Variants in ITGB5 observed in about 807,000 individuals in gnomAD.
ITGB5 encodes integrin beta-5.
ITGB5 carries 38 observed loss-of-function variants against 84.8 expected under a neutral mutation model. That is an observed-to-expected ratio of 0.45 (90% CI 0.35 to 0.59). The LOEUF is 0.59. Among genes scored for constraint, ITGB5 ranks in the 20% least tolerant of loss-of-function variants. ITGB5 has a pLI of 0.01. For synonymous variants in ITGB5, 393 were observed against 414.4 expected (o/e 0.95, Z 0.63); for missense variants, 905 against 1,034.5 (o/e 0.87, Z 1.72).
At chr3:124,865,474 C>CTTTTTTTTTT (rs1559977008) in intron 2 of ITGB5, among the ~76,000 whole-genome samples, 1 of 57,876 alleles carries the variant, frequency 1.7e-5, no homozygotes. Context: ...TCCTTTGCGG[C>CTTTTTTTTTT]TTTTTTCTTT....
chr3:124,883,770 CCT>C (rs1371169578), intron 1 of ITGB5, among the ~76,000 whole-genome samples: 1 of 152,198 alleles, frequency 6.6e-6, no homozygotes, highest in African/African-American at 2.4e-5. Context: ...AGACGGTGTT[CCT>C]CTCTCTGTCT....
At chr3:124,850,120 C>G (rs3772850) in intron 3 of ITGB5, among the ~76,000 whole-genome samples, 23,814 of 151,956 alleles carry the variant, frequency 0.16, 1,955 homozygotes, top group South Asian at 0.21. Flanking sequence ...CAAGCTGAAG[C>G]CTTCTTTAAC....
chr3:124,809,022 C>T lies in ITGB5; in HGVS notation c.1263G>A (p.Thr421=), dbSNP rs778010440. Residue 421 remains threonine, a splice_region_variant and synonymous_variant, in exon 9 of 15, where the codon ACG becomes ACA. Transcript: ENST00000296181. ...CATACAAACTTGGGGTGAGACTTAC[C>T]GTGTCCCCAATCTTCAGACCCTCAC... is the stretch of plus-strand genomic sequence containing the variant. ...RKCEGLKIGD[T]ASFEVSLEAR... is the part of the protein sequence containing the mutation. The T allele has an allele frequency of 8.7e-6, 14 of 1,613,666 alleles. No homozygotes were observed. Among genetic ancestry groups the T allele is most frequent in the South Asian group, 6.6e-5 (6 of 91,008 alleles).
intron 4 of ITGB5, 124 bp downstream of exon 4, chr3:124,848,185 A>T: frequency 1.9e-6 from 2 of 1,060,056 alleles, no homozygotes; most frequent in Non-Finnish European, 2.8e-6. Flanking sequence ...TAATCAAATT[A>T]AACGCCTAAG....
intron 11 of ITGB5, among the ~76,000 whole-genome samples, chr3:124,770,831 T>C (rs1329162169): frequency 3.9e-5 from 6 of 152,346 alleles, no homozygotes; most frequent in Admixed American, 3.9e-4. Context: ...AGCTGAGACC[T>C]GGCTGGGGGC....
At position 124,886,884 on chromosome 3, in the gene ITGB5, G is replaced by A. The variant is rs1226020786; in HGVS notation, c.70+47C>T. On this transcript the variant is annotated intron_variant, in intron 1 of 14. Coordinates refer to ENST00000296181, the MANE Select transcript of ITGB5 (RefSeq NM_002213.5). Reference sequence around the variant, plus strand: ...CCCTCCGAGACGCCCGCCCGCGGCTGAGTGTGCGACAAAGTTTCTCTGGGC... The same window carrying A: ...CCCTCCGAGACGCCCGCCCGCGGCTAAGTGTGCGACAAAGTTTCTCTGGGC... 25 of 1,157,622 alleles carry A rather than the reference G, an allele frequency of 2.2e-5. No individual in the cohort carries two copies. In the East Asian group the frequency reaches 6.7e-4, roughly 31 times the overall value. 71.7% of individuals were successfully genotyped at this position (1,157,622 alleles called of 1,614,324 possible). A position where few individuals can be genotyped will look rare whatever the true frequency, so the allele number is the denominator to read the frequency against.
At position 124,841,460 on chromosome 3, in the gene ITGB5, G is replaced by A. The variant is rs1485998734; in HGVS notation, c.703C>T (p.Arg235Trp). 5.0e-6 allele frequency: 8 copies of A among 1,614,094 alleles called. No individual in the cohort carries two copies. Among genetic ancestry groups the A allele is most frequent in the South Asian group, 3.3e-5 (3 of 91,088 alleles). ...CGGTTCCGGGACACCCTCTGTTTCCGAACTTCCTCATTGAAGCTGTCCACT... is the reference window on the plus strand; with the variant it reads ...CGGTTCCGGGACACCCTCTGTTTCCAAACTTCCTCATTGAAGCTGTCCACT... ...DRVDSFNEEV[R>W]KQRVSRNRDA... Residue 235 changes from arginine to tryptophan, a missense_variant, in exon 5 of 15, where the codon CGG becomes TGG. Arg to Trp is a moderately radical substitution (Grantham distance 101). This residue lies in a region of ITGB5 where 656 missense variants were observed against 734.7 expected (regional missense o/e 0.89). Coordinates refer to ENST00000296181, the MANE Select transcript of ITGB5 (RefSeq NM_002213.5).
intron 1 of ITGB5, among the ~76,000 whole-genome samples, chr3:124,884,787 T>A (rs889072077): frequency 5.9e-5 from 9 of 152,130 alleles, no homozygotes; most frequent in Admixed American, 5.9e-4. Flanking sequence ...TTCCTTAAGC[T>A]GAGTCGGTAG....
At chr3:124,859,585 G>C (rs2065268379) in intron 2 of ITGB5, 139 bp from the exon 3 acceptor site, 4 of 655,264 alleles carry the variant, frequency 6.1e-6, no homozygotes, top group Non-Finnish European at 1.1e-5. Context: ...TGGAGGAAAT[G>C]GTAATCCCTA....
intron 11 of ITGB5, among the ~76,000 whole-genome samples, chr3:124,771,202 G>T (rs2063838335): frequency 6.6e-6 from 1 of 152,196 alleles, no homozygotes; most frequent in South Asian, 2.1e-4. Flanking sequence ...AATCAGCTGG[G>T]TGTTGAGTGT....
In ITGB5 at chr3:124,793,264, C is replaced by T. The variant is rs531491592; in HGVS notation, c.1693+3124G>A. 4.2e-4 allele frequency among the ~76,000 whole-genome samples: 64 copies of T among 152,298 alleles called. 1 individual carries two copies. Among genetic ancestry groups the T allele is most frequent in the African/African-American group, 7.9e-4 (33 of 41,566 alleles). On this transcript the variant is annotated intron_variant, in intron 10 of 14. Transcript: ENST00000296181. ...CTTGCTCCCAGGCTGCATGGACACA[C>T]GCAGGCTTCTAGGGTGAAGACATAC...
chr3:124,793,443 C>T (rs1178494289), intron 10 of ITGB5, among the ~76,000 whole-genome samples: 1 of 152,222 alleles, frequency 6.6e-6, no homozygotes, highest in Non-Finnish European at 1.5e-5. Flanking sequence ...ATTCCACCAC[C>T]CTGGAATTTT....
At chr3:124,801,081 T>C (rs1383157994) in intron 9 of ITGB5, among the ~76,000 whole-genome samples, 2 of 152,092 alleles carry the variant, frequency 1.3e-5, no homozygotes, top group Non-Finnish European at 2.9e-5. Context: ...TCTGCTCAGA[T>C]CTCAACAAAA....
At chr3:124,838,628 G>T (rs1432827805) in intron 5 of ITGB5, among the ~76,000 whole-genome samples, 1 of 151,634 alleles carries the variant, frequency 6.6e-6, no homozygotes, top group Admixed American at 6.6e-5. Context: ...TTGAGACAGA[G>T]TCTTGCTCTG....
chr3:124,834,461 AAGAG>A (rs1158767277), intron 5 of ITGB5, among the ~76,000 whole-genome samples: 41 of 143,648 alleles, frequency 2.9e-4, no homozygotes, highest in Middle Eastern at 3.4e-3. Flanking sequence ...GAAGGAAGGA[AAGAG>A]AGAGAGAAAG....
chr3:124,803,023 G>A (rs557924267), intron 9 of ITGB5, among the ~76,000 whole-genome samples: 4 of 152,326 alleles, frequency 2.6e-5, no homozygotes, highest in African/African-American at 9.6e-5. Context: ...AGGAAGAGCT[G>A]TCAAAGGTGC....
intron 8 of ITGB5, among the ~76,000 whole-genome samples, chr3:124,815,813 A>T (rs1004714406): frequency 2.0e-5 from 3 of 152,182 alleles, no homozygotes; most frequent in African/African-American, 7.2e-5. Context: ...TGCCCACATA[A>T]CCAGCTTACG....
intron 8 of ITGB5, among the ~76,000 whole-genome samples, chr3:124,814,061 AC>A (rs1280486243): frequency 6.6e-6 from 1 of 152,094 alleles, no homozygotes; most frequent in Non-Finnish European, 1.5e-5. Context: ...AAATATAATA[AC>A]AAAAGATTCT....
chr3:124,874,778 G>T (rs148161522), intron 1 of ITGB5, among the ~76,000 whole-genome samples: 5 of 152,276 alleles, frequency 3.3e-5, no homozygotes, highest in African/African-American at 1.2e-4. Flanking sequence ...TCAATAAATG[G>T]TTTTAGGACA....
Sources: gnomAD v4.1 joint callset for allele counts (sites outside exome capture counted in the v4.1 genomes callset) on GRCh38, gnomAD v4.1.1 for gene constraint, gnomAD v4.1.1 regional missense constraint, MANE v1.5 for transcripts, NCBI Gene and HGNC (gene_info 2026-07-23, HGNC 2026-07-21) for gene names.